SPTBN2: variants seen among roughly 807,000 people sequenced by gnomAD.
SPTBN2 encodes the protein spectrin beta chain, non-erythrocytic 2.
Under a neutral mutation model 284.2 loss-of-function variants are expected in SPTBN2, and 107 were observed. The ratio of observed to expected loss-of-function variants is 0.38; its 90% CI spans 0.32 to 0.44. The LOEUF (loss-of-function observed/expected upper bound fraction) is 0.44. SPTBN2 is among the 20% of genes least tolerant of loss of function. The probability of loss-of-function intolerance (pLI) is 1.00; values close to 1 mark genes in which losing one functional copy is unlikely to be tolerated. For missense variants in SPTBN2, 2,569 were observed against 3,287.1 expected, an observed-to-expected ratio of 0.78 and a Z score of 5.34; for synonymous variants, 1,289 against 1,354.8, an observed-to-expected ratio of 0.95 and a Z score of 1.07.
intron 3 of SPTBN2, 30 bp downstream of exon 3, chr11:66,721,054 C>A (rs1942378878): frequency 1.2e-6 from 2 of 1,613,846 alleles, no homozygotes; most frequent in East Asian, 4.5e-5. Flanking sequence ...CCTCCAGCAT[C>A]CCCCCACCTC....
chr11:66,705,782 A>T lies in SPTBN2; in HGVS notation c.1709T>A (p.Leu570Gln). Reference protein sequence around the residue: ...GRHLAGVEDLLQLHELVEADI... With the variant: ...GRHLAGVEDLQQLHELVEADI... The stretch of plus-strand genomic sequence containing the variant: ...TGCCTCCACCAGCTCGTGCAGCTGC[A>T]GCAGGTCCTCCACTCCTGCTAGGTG... The change falls in exon 14 of 38, where the codon CTG (leucine) becomes CAG (glutamine). Residue 570 changes from leucine (L) to glutamine (Q), a missense_variant. Leu to Gln is a moderately radical substitution (Grantham distance 113). Coordinates refer to ENST00000533211, the MANE Select transcript of SPTBN2 (RefSeq NM_006946.4). 2 of 1,612,544 alleles carry T rather than the reference A, an allele frequency of 1.2e-6. No individual in the cohort carries two copies. Among genetic ancestry groups the T allele is most frequent in the Non-Finnish European group, 1.7e-6 (2 of 1,179,898 alleles).
In SPTBN2 at chr11:66,710,607, A is replaced by C; in HGVS notation, c.1048T>G (p.Tyr350Asp). 1 of 1,613,952 alleles carries C rather than the reference A, an allele frequency of 6.2e-7. No individual in the cohort carries two copies. Among genetic ancestry groups the C allele is most frequent in the Non-Finnish European group, 8.5e-7 (1 of 1,179,958 alleles). The change falls in exon 10 of 38, where the codon TAC becomes GAC. Residue 350 changes from tyrosine to aspartate, a missense_variant. Tyr to Asp is a radical substitution (Grantham distance 160, BLOSUM62 -3). Transcript: ENST00000533211. The surrounding 1 kb of genome is among the most constrained non-coding windows in gnomAD (Gnocchi z 4.9). Reference sequence around the variant, plus strand: ...TTGGGCGGCTTCTCCACGGTGCGGTAGGAGTTGAAGGACTGCAGCTGGTTC... The same window carrying C: ...TTGGGCGGCTTCTCCACGGTGCGGTCGGAGTTGAAGGACTGCAGCTGGTTC... ...VQNQLQSFNS[Y>D]RTVEKPPKFT...
In SPTBN2 at chr11:66,691,976, A is replaced by G. The variant is rs1940584738; in HGVS notation, c.5191-318T>C. Among the ~76,000 whole-genome samples, 1 of 152,124 alleles carries G rather than the reference A, an allele frequency of 6.6e-6. No individual in the cohort carries two copies. Among genetic ancestry groups the G allele is most frequent in the Non-Finnish European group, 1.5e-5 (1 of 68,026 alleles). ...AGCCCCCAAACTGTCGGGGGGGTGG[A>G]TCATACTCCGTTTTGTTGAATTCTG... On this transcript the variant is annotated intron_variant, in intron 26 of 37. Coordinates refer to ENST00000533211, the MANE Select transcript of SPTBN2 (RefSeq NM_006946.4). This position sits in a 1 kb window ranked among gnomAD's most constrained non-coding sequence, Gnocchi z 8.0.
chr11:66,686,121 C>G lies in SPTBN2; in HGVS notation c.6940-17G>C, dbSNP rs372577035. Reference sequence around the variant, plus strand: ...CATCTCTGCCTGTGGATGGAAAGACCCTCAATCAGCTTCAAGGACACTGTG... The same window carrying G: ...CATCTCTGCCTGTGGATGGAAAGACGCTCAATCAGCTTCAAGGACACTGTG... On this transcript the variant is annotated splice_polypyrimidine_tract_variant and intron_variant, in intron 37 of 37. Coordinates refer to ENST00000533211, the MANE Select transcript of SPTBN2 (RefSeq NM_006946.4). 6.2e-7 allele frequency: 1 copy of G among 1,606,676 alleles called. No individual in the cohort carries two copies. Among genetic ancestry groups the G allele is most frequent in the Non-Finnish European group, 8.5e-7 (1 of 1,175,902 alleles).
At chr11:66,689,039 C>T (rs2135318005) in intron 30 of SPTBN2, 57 bp downstream of exon 30, 2 of 1,552,348 alleles carry the variant, frequency 1.3e-6, no homozygotes, top group South Asian at 1.2e-5. Context: ...CTGGAACCCA[C>T]AGGGTGCAGG....
At position 66,685,356 on chromosome 11, in the gene SPTBN2, AG is replaced by A. The variant is rs1413987875; in HGVS notation, c.*514del. On this transcript the variant is annotated 3_prime_UTR_variant, in exon 38 of 38. Transcript: ENST00000533211. This position sits in a 1 kb window ranked among gnomAD's most constrained non-coding sequence, Gnocchi z 4.4. ...TGAGAGCAGCTGGAGATGGAGTGGC[AG>A]CTGGAGTTACAGGGTGGGGGTGGGG... 6.9e-6 allele frequency: 1 copy of A among 145,278 alleles called. No homozygotes were observed. The highest frequency in any genetic ancestry group is 2.0e-4 in the East Asian group (1 of 4,884). 9.0% of individuals were successfully genotyped at this position (145,278 alleles called of 1,614,324 possible).
intron 8 of SPTBN2, among the ~76,000 whole-genome samples, chr11:66,713,378 T>C (rs1565148442): frequency 6.6e-6 from 1 of 152,150 alleles, no homozygotes; most frequent in African/African-American, 2.4e-5. Context: ...ACCAAACTCC[T>C]AGGCTCAAGT....
At chr11:66,689,680 G>A in intron 29 of SPTBN2, 125 bp downstream of exon 29, 1 of 1,422,914 alleles carries the variant, frequency 7.0e-7, no homozygotes, top group Non-Finnish European at 9.8e-7. Flanking sequence ...ACCCGTGAAT[G>A]GCACTGAGGG....
chr11:66,686,114 G>C lies in SPTBN2; in HGVS notation c.6940-10C>G. On this transcript the variant is annotated splice_polypyrimidine_tract_variant and intron_variant, in intron 37 of 37. Coordinates refer to ENST00000533211, the MANE Select transcript of SPTBN2 (RefSeq NM_006946.4). ...ACGAGCTCATCTCTGCCTGTGGATG[G>C]AAAGACCCTCAATCAGCTTCAAGGA... 1 of 1,610,218 alleles carries C rather than the reference G, an allele frequency of 6.2e-7. No homozygotes were observed. The highest frequency in any genetic ancestry group is 8.5e-7 in the Non-Finnish European group (1 of 1,178,056).
chr11:66,704,496 A>T, intron 15 of SPTBN2, 102 bp downstream of exon 15: 1 of 1,349,074 alleles, frequency 7.4e-7, no homozygotes, highest in Non-Finnish European at 1.0e-6. Flanking sequence ...TAAGACTCAA[A>T]GGGGTGAGGC....
intron 1 of SPTBN2, among the ~76,000 whole-genome samples, chr11:66,724,769 G>A (rs1218491538): frequency 2.0e-5 from 3 of 152,172 alleles, no homozygotes; most frequent in South Asian, 4.1e-4. Context: ...AAGCCAGAAA[G>A]GTTCTGCCTT....
rs1228931802 is a variant in SPTBN2 at position 66,705,199 on chromosome 11, G to C, written c.2077C>G (p.Arg693Gly). Residue 693 changes from arginine to glycine, a missense_variant, in exon 15 of 38, where the codon CGG becomes GGG. Arg to Gly is a moderately radical substitution (Grantham distance 125, BLOSUM62 -2). This residue lies in a region of SPTBN2 where 1,012 missense variants were observed against 1,248.9 expected (regional missense o/e 0.81). Transcript: ENST00000533211. The stretch of plus-strand genomic sequence containing the variant: ...AGGGTGAGCTTCAGGGGCCCCAGCC[G>C]GCCGCTCATCTCGCCCCGCAGGGCT... The part of the protein sequence containing the change: ...HTALRGEMSG[R>G]LGPLKLTLEQ... The C allele has an allele frequency of 6.5e-7, 1 of 1,537,218 alleles. No individual in the cohort carries two copies. The highest frequency in any genetic ancestry group is 8.7e-7 in the Non-Finnish European group (1 of 1,144,458).
rs1241519890 is a variant in SPTBN2, at chr11:66,710,667, C to T, written c.988G>A (p.Asp330Asn). The change falls in exon 10 of 38, where the codon GAC (aspartate) becomes AAC (asparagine). Residue 330 changes from aspartate to asparagine, a missense_variant. Physicochemically the swap from Asp to Asn is conservative, Grantham distance 23 (BLOSUM62 1). Coordinates refer to ENST00000533211, the MANE Select transcript of SPTBN2 (RefSeq NM_006946.4). The surrounding 1 kb of genome is among the most constrained non-coding windows in gnomAD (Gnocchi z 4.9). The stretch of plus-strand genomic sequence containing the variant: ...CTAAGGGAGTTGGCCAACTGCCGGT[C>T]ATTGAGGGTCACGATCGTTTGCTCG... ...WIEQTIVTLN[D>N]RQLANSLSGV... The T allele has an allele frequency of 1.2e-6, 2 of 1,614,058 alleles. No homozygotes were observed. The highest frequency in any genetic ancestry group is 2.7e-5 in the African/African-American group (2 of 74,938).
At chr11:66,728,366 G>C (rs1170295032) in intron 1 of SPTBN2, 5 of 145,990 alleles carry the variant, frequency 3.4e-5, no homozygotes, top group Admixed American at 6.8e-5. Flanking sequence ...GGCGGCGCGC[G>C]GGCGCGAGCG....
At position 66,707,159 on chromosome 11, in the gene SPTBN2, G is replaced by C; in HGVS notation, c.1653+357C>G. Among the ~76,000 whole-genome samples, 1 of 152,248 alleles carries C rather than the reference G, an allele frequency of 6.6e-6. No homozygotes were observed. Among genetic ancestry groups the C allele is most frequent in the East Asian group, 1.9e-4 (1 of 5,202 alleles). Reference sequence around the variant, plus strand: ...CCTTCTGCCCGGAACATTCTCTCCTGAGAGCTCTCTGTGCTGGCTCCTGGC... The same window carrying C: ...CCTTCTGCCCGGAACATTCTCTCCTCAGAGCTCTCTGTGCTGGCTCCTGGC... On this transcript the variant is annotated intron_variant, in intron 13 of 37. Transcript: ENST00000533211. The surrounding 1 kb of genome is among the most constrained non-coding windows in gnomAD (Gnocchi z 4.9).
rs145618970 is a variant in SPTBN2, at chr11:66,727,602, C to G, written c.-114+1139G>C. Among the ~76,000 whole-genome samples the G allele has an allele frequency of 5.0e-3, 768 of 152,190 alleles. 5 individuals carry two copies. Among genetic ancestry groups the G allele is most frequent in the Middle Eastern group, 0.014 (4 of 294 alleles). ...GCGGCCGCTTCCCCGCCGCCCGAAG[C>G]GTCTGCTTTCTCCCCGGGCCAGTTC... On this transcript the variant is annotated intron_variant, in intron 1 of 37. Transcript: ENST00000533211.
intron 1 of SPTBN2, among the ~76,000 whole-genome samples, chr11:66,725,389 G>A (rs974510667): frequency 6.6e-6 from 1 of 152,170 alleles, no homozygotes; most frequent in Non-Finnish European, 1.5e-5. Flanking sequence ...GTCCCCTGCT[G>A]CCATCTCTAG....
upstream of SPTBN2, among the ~76,000 whole-genome samples, chr11:66,732,763 C>T (rs577268070): frequency 1.6e-4 from 23 of 148,328 alleles, no homozygotes; most frequent in African/African-American, 5.7e-4. Flanking sequence ...GTCAGGAGTT[C>T]GAGACTAGCC....
At chr11:66,716,586 G>A (rs1320553977) in intron 3 of SPTBN2, among the ~76,000 whole-genome samples, 1 of 152,190 alleles carries the variant, frequency 6.6e-6, no homozygotes, top group African/African-American at 2.4e-5. Flanking sequence ...GCTGGGATGG[G>A]GCAGTCGTGG....
Sources: gnomAD v4.1 joint callset for allele counts (sites outside exome capture counted in the v4.1 genomes callset) on GRCh38, gnomAD v4.1.1 for gene constraint, gnomAD v4.1.1 regional missense constraint, Gnocchi (gnomAD v3.1) non-coding constraint, MANE v1.5 for transcripts, NCBI Gene and HGNC (gene_info 2026-07-23, HGNC 2026-07-21) for gene names.